Variants in CSGALNACT1 observed in about 807,000 individuals in gnomAD.
CSGALNACT1 encodes the protein chondroitin sulfate N-acetylgalactosaminyltransferase 1.
In CSGALNACT1, 52 loss-of-function variants were observed where a neutral mutation model predicts 51.0. The ratio of observed to expected loss-of-function variants is 1.02; its 90% CI spans 0.82 to 1.29. CSGALNACT1 has a LOEUF of 1.29. Among genes scored for constraint, CSGALNACT1 ranks in the 50% most tolerant of loss-of-function variants. The pLI is 0.00. For synonymous variants in CSGALNACT1, 341 were observed against 254.4 expected, an observed-to-expected ratio of 1.34 and a Z score of -3.24; for missense variants, 935 against 679.2, an observed-to-expected ratio of 1.38 and a Z score of -4.19.
At chr8:19,677,592 A>T (rs966066042) in intron 1 of CSGALNACT1, among the ~76,000 whole-genome samples, 1 of 152,224 alleles carries the variant, frequency 6.6e-6, no homozygotes, top group Non-Finnish European at 1.5e-5. Flanking sequence ...GGGCCAGAGT[A>T]TGCACATTTT....
chr8:19,460,841 T>C (rs77008260), intron 4 of CSGALNACT1, among the ~76,000 whole-genome samples: 1 of 152,190 alleles, frequency 6.6e-6, no homozygotes, highest in Non-Finnish European at 1.5e-5. Context: ...GAGCTTTTCA[T>C]CCTATAGCAC....
chr8:19,677,829 A>G (rs1262547351), intron 1 of CSGALNACT1, among the ~76,000 whole-genome samples: 4 of 152,214 alleles, frequency 2.6e-5, no homozygotes, highest in Non-Finnish European at 5.9e-5. Flanking sequence ...GGGCATAGGT[A>G]GGAATTTTTA....
At chr8:19,412,671 C>T (rs1224954893) in intron 8 of CSGALNACT1, among the ~76,000 whole-genome samples, 1 of 152,206 alleles carries the variant, frequency 6.6e-6, no homozygotes, top group African/African-American at 2.4e-5. Context: ...ATGGAAGGCC[C>T]CAAGGCCTGC....
intron 1 of CSGALNACT1, among the ~76,000 whole-genome samples, chr8:19,725,295 T>C (rs2063338750): frequency 1.3e-5 from 2 of 152,210 alleles, no homozygotes; most frequent in African/African-American, 4.8e-5. Context: ...AGAATCTGCG[T>C]CCTGGCTGCC....
At chr8:19,741,667 A>G (rs2064330036) in intron 1 of CSGALNACT1, among the ~76,000 whole-genome samples, 1 of 151,936 alleles carries the variant, frequency 6.6e-6, no homozygotes, top group East Asian at 1.9e-4. Context: ...AGGGACATTT[A>G]ATAAAGGCTT....
At chr8:19,654,518 G>C (rs1288869621) in intron 1 of CSGALNACT1, among the ~76,000 whole-genome samples, 1 of 152,124 alleles carries the variant, frequency 6.6e-6, no homozygotes, top group Non-Finnish European at 1.5e-5. Flanking sequence ...TTTAAAATGA[G>C]GATGTTGTAG....
At position 19,591,759 on chromosome 8, in the gene CSGALNACT1, C is replaced by CA. The variant is rs111962164; in HGVS notation, c.-415-482dup. ...GGCAACATAGTGAGATTCCTCTCCACAAAAAAAAATGTAAATATAAAGATA... is the reference window on the plus strand; with the variant it reads ...GGCAACATAGTGAGATTCCTCTCCACAAAAAAAAAATGTAAATATAAAGATA... On this transcript the variant is annotated intron_variant, in intron 2 of 9. Coordinates refer to ENST00000454498, the Ensembl canonical transcript of CSGALNACT1. 7.9e-3 allele frequency among the ~76,000 whole-genome samples: 1,146 copies of CA among 144,260 alleles called. 21 individuals are homozygous for CA. Among genetic ancestry groups the CA allele is most frequent in the African/African-American group, 0.027 (1,072 of 39,130 alleles). The allele number at this position is 144,260 out of a possible 152,430, so 94.6% of individuals were successfully genotyped here. A position where few individuals can be genotyped will look rare whatever the true frequency, so the allele number is the denominator to read the frequency against.
intron 1 of CSGALNACT1, among the ~76,000 whole-genome samples, chr8:19,708,098 G>A (rs2062284454): frequency 6.6e-6 from 1 of 152,218 alleles, no homozygotes; most frequent in Non-Finnish European, 1.5e-5. Flanking sequence ...AAGGAACACA[G>A]ACAGGTGCTA....
chr8:19,552,833 T>G (rs2088540636), intron 3 of CSGALNACT1, among the ~76,000 whole-genome samples: 1 of 152,190 alleles, frequency 6.6e-6, no homozygotes, highest in South Asian at 2.1e-4. Context: ...AACTTTTCCT[T>G]TCCCATTCAC....
chr8:19,591,961 A>G (rs2047914527), intron 2 of CSGALNACT1, among the ~76,000 whole-genome samples: 1 of 152,202 alleles, frequency 6.6e-6, no homozygotes, highest in East Asian at 1.9e-4. Context: ...TGATACCTTG[A>G]TAAGAACACA....
At chr8:19,516,163 G>A (rs1222293662) in intron 3 of CSGALNACT1, among the ~76,000 whole-genome samples, 1 of 152,100 alleles carries the variant, frequency 6.6e-6, no homozygotes, top group African/African-American at 2.4e-5. Context: ...GTTGGGGCCA[G>A]ACATCATACA....
At chr8:19,599,890 A>T (rs889081822) in intron 2 of CSGALNACT1, among the ~76,000 whole-genome samples, 2 of 152,156 alleles carry the variant, frequency 1.3e-5, no homozygotes, top group Admixed American at 6.5e-5. Context: ...GGGCAGACAA[A>T]CCTACCCCAC....
intron 1 of CSGALNACT1, among the ~76,000 whole-genome samples, chr8:19,616,682 T>TTCTC (rs141483018): frequency 2.7e-5 from 4 of 150,340 alleles, no homozygotes; most frequent in Non-Finnish European, 4.4e-5. Flanking sequence ...TCCCCCCTCA[T>TTCTC]TCTCTCTCTC....
intron 1 of CSGALNACT1, among the ~76,000 whole-genome samples, chr8:19,695,915 C>T (rs923345580): frequency 2.0e-5 from 3 of 152,084 alleles, no homozygotes; most frequent in African/African-American, 7.2e-5. Context: ...TGTCACAAAG[C>T]CATTAGCGCT....
chr8:19,563,901 C>A (rs904787706), intron 3 of CSGALNACT1, among the ~76,000 whole-genome samples: 1 of 152,150 alleles, frequency 6.6e-6, no homozygotes, highest in African/African-American at 2.4e-5. Context: ...TAGACTCCCA[C>A]CACACTGGCC....
At chr8:19,570,436 T>C (rs867340901) in intron 3 of CSGALNACT1, among the ~76,000 whole-genome samples, 4 of 152,138 alleles carry the variant, frequency 2.6e-5, no homozygotes, top group African/African-American at 7.2e-5. Context: ...GCTGTCTCAA[T>C]AGTACACTCC....
chr8:19,691,839 T>G (rs1251371380), intron 1 of CSGALNACT1, among the ~76,000 whole-genome samples: 2 of 152,142 alleles, frequency 1.3e-5, no homozygotes, highest in Non-Finnish European at 2.9e-5. Context: ...ATCTGGAAAT[T>G]TGTGAGAAAT....
At chr8:19,450,225 G>C (rs1366121925) in intron 5 of CSGALNACT1, among the ~76,000 whole-genome samples, 1 of 89,510 alleles carries the variant, frequency 1.1e-5, no homozygotes, top group East Asian at 4.3e-4. Flanking sequence ...GGAAGAGGGA[G>C]GGGGAGGGGG....
At chr8:19,501,246 C>CA (rs35069773) in intron 4 of CSGALNACT1, among the ~76,000 whole-genome samples, 315 of 83,398 alleles carry the variant, frequency 3.8e-3, no homozygotes, top group Middle Eastern at 7.1e-3. Context: ...GACTCCGTCT[C>CA]AAAAAAAAAA....
Sources: allele counts gnomAD v4.1 joint callset (sites outside exome capture counted in the v4.1 genomes callset), GRCh38; gene constraint gnomAD v4.1.1; transcripts MANE v1.5; gene names NCBI Gene and HGNC (gene_info 2026-07-23, HGNC 2026-07-21).